Variants in CREB5 observed in about 807,000 individuals in gnomAD.
CREB5 encodes cAMP responsive element binding protein 5, also known as cyclic AMP-responsive element-binding protein 5.
Under a neutral mutation model 57.1 loss-of-function variants are expected in CREB5, and 19 were observed. That is an observed-to-expected ratio of 0.33 (90% CI 0.23 to 0.49). CREB5 has a LOEUF of 0.49. Ranked by LOEUF, CREB5 falls within the 20% of genes least tolerant of loss-of-function variation. The pLI is 0.99. For synonymous variants in CREB5, 238 were observed against 238.3 expected (o/e 1.00, Z 0.01); for missense variants, 579 against 671.6 (o/e 0.86, Z 1.52).
chr7:28,644,006 A>T (rs1798792688), intron 5 of CREB5, among the ~76,000 whole-genome samples: 2 of 151,936 alleles, frequency 1.3e-5, no homozygotes, highest in African/African-American at 4.8e-5. Context: ...TGGGCCCAAG[A>T]GGTCAAGGCT....
chr7:28,484,167 G>T (rs1791462670), intron 1 of CREB5, among the ~76,000 whole-genome samples: 1 of 152,176 alleles, frequency 6.6e-6, no homozygotes, highest in Admixed American at 6.5e-5. Context: ...AGGACTCAGG[G>T]AGAACAGCCT....
At chr7:28,619,098 T>C (rs1797698279) in intron 5 of CREB5, among the ~76,000 whole-genome samples, 2 of 152,238 alleles carry the variant, frequency 1.3e-5, no homozygotes, top group African/African-American at 4.8e-5. Context: ...CTAAACACTT[T>C]AGATTTAACT....
At chr7:28,548,950 G>A (rs1333031286) in intron 4 of CREB5, among the ~76,000 whole-genome samples, 1 of 152,054 alleles carries the variant, frequency 6.6e-6, no homozygotes, top group Non-Finnish European at 1.5e-5. Context: ...TAATAAGCAT[G>A]GAAGCATCTA....
intron 8 of CREB5, among the ~76,000 whole-genome samples, chr7:28,805,955 AACATTTTTAGTC>A (rs1247091483): frequency 5.3e-5 from 8 of 152,184 alleles, no homozygotes; most frequent in Admixed American, 1.3e-4. Context: ...CTATCCAGAG[AACATTTTTAGTC>A]ACATTTTTAG....
intron 1 of CREB5, among the ~76,000 whole-genome samples, chr7:28,420,986 G>A (rs562858830): frequency 6.6e-6 from 1 of 151,920 alleles, no homozygotes; most frequent in East Asian, 1.9e-4. Flanking sequence ...TTTTTAATTT[G>A]CATTCACTTA....
intron 1 of CREB5, among the ~76,000 whole-genome samples, chr7:28,469,938 T>G (rs1790740102): frequency 6.6e-6 from 1 of 152,160 alleles, no homozygotes; most frequent in African/African-American, 2.4e-5. Context: ...TTAAAATTTT[T>G]GTGAGTACAT....
intron 1 of CREB5, among the ~76,000 whole-genome samples, chr7:28,394,069 TCAAAAAAAAAA>T (rs1787286748): frequency 6.4e-5 from 1 of 15,686 alleles, no homozygotes; most frequent in African/African-American, 3.6e-4. Flanking sequence ...AGACTCTGTC[TCAAAAAAAAAA>T]AAAAAAAAAA....
At chr7:28,300,307 T>C (rs1182787457) in intron 1 of CREB5, among the ~76,000 whole-genome samples, 1 of 152,202 alleles carries the variant, frequency 6.6e-6, no homozygotes, top group Non-Finnish European at 1.5e-5. Flanking sequence ...GCTTGTCTAA[T>C]ATTTGTGTCA....
intron 5 of CREB5, among the ~76,000 whole-genome samples, chr7:28,624,676 G>GGA (rs1797934621): frequency 7.7e-6 from 1 of 130,154 alleles, no homozygotes; most frequent in Admixed American, 7.8e-5. Context: ...CAACAGACGT[G>GGA]AAAAAAAAAA....
Position 28,804,269 on chromosome 7 carries a change from T to C in CREB5, c.773T>C (p.Met258Thr), listed in dbSNP as rs1301158305. The C allele has an allele frequency of 6.2e-7, 1 of 1,613,958 alleles. No homozygotes were observed. The highest frequency in any genetic ancestry group is 8.5e-7 in the Non-Finnish European group (1 of 1,180,028). ...GGGAACATGAACACCATGGGACACATGATGGAGATGATGGGCTCCCGGCAG... is the reference window on the plus strand; with the variant it reads ...GGGAACATGAACACCATGGGACACACGATGGAGATGATGGGCTCCCGGCAG... ...SNGNMNTMGHMMEMMGSRQDQ... is the reference protein window; with the variant it reads ...SNGNMNTMGHTMEMMGSRQDQ... Residue 258 changes from methionine to threonine, a missense_variant, in exon 8 of 11, where the codon ATG (methionine) becomes ACG (threonine). Met to Thr is a moderately conservative substitution (Grantham distance 81, BLOSUM62 -1). Transcript: ENST00000357727.
intron 3 of CREB5, among the ~76,000 whole-genome samples, chr7:28,496,855 A>G (rs774950859): frequency 1.3e-5 from 2 of 151,724 alleles, no homozygotes; most frequent in African/African-American, 2.4e-5. Context: ...TTTTAAGTCT[A>G]CAAACAGAGA....
intron 4 of CREB5, among the ~76,000 whole-genome samples, chr7:28,508,761 T>G (rs1792583882): frequency 6.6e-6 from 1 of 152,154 alleles, no homozygotes; most frequent in Non-Finnish European, 1.5e-5. Context: ...AAAATCTCAG[T>G]CAACTCGTTT....
At chr7:28,557,399 A>G (rs2128637351) in intron 4 of CREB5, among the ~76,000 whole-genome samples, 1 of 152,342 alleles carries the variant, frequency 6.6e-6, no homozygotes, top group Non-Finnish European at 1.5e-5. Context: ...TATTTTAAAG[A>G]CATGAGATCC....
intron 7 of CREB5, among the ~76,000 whole-genome samples, chr7:28,777,454 C>T (rs1453163738): frequency 6.6e-6 from 1 of 152,106 alleles, no homozygotes; most frequent in East Asian, 1.9e-4. Flanking sequence ...ATTTAAATGG[C>T]TCTGATATAT....
intron 5 of CREB5, among the ~76,000 whole-genome samples, chr7:28,622,966 C>T (rs41289): frequency 0.64 from 96,608 of 152,040 alleles, 31,900 homozygotes; most frequent in East Asian, 0.91. Flanking sequence ...CACTGCAACC[C>T]CCGTCTCCCG....
At chr7:28,549,700 T>G (rs942459236) in intron 4 of CREB5, among the ~76,000 whole-genome samples, 3 of 148,466 alleles carry the variant, frequency 2.0e-5, no homozygotes, top group African/African-American at 4.9e-5. Flanking sequence ...TGGATGCCTG[T>G]TTTTTTTTTA....
At chr7:28,806,286 A>G (rs548317443) in intron 8 of CREB5, among the ~76,000 whole-genome samples, 46 of 152,318 alleles carry the variant, frequency 3.0e-4, no homozygotes, top group African/African-American at 1.1e-3. Context: ...TTTTAATTGT[A>G]TGCTAAAAAG....
chr7:28,327,791 A>G (rs1192105782), intron 1 of CREB5, among the ~76,000 whole-genome samples: 1 of 152,198 alleles, frequency 6.6e-6, no homozygotes, highest in Non-Finnish European at 1.5e-5. Flanking sequence ...CCCCTGAGAG[A>G]GAAAATGCTA....
At chr7:28,607,735 CTGTGTGTG>C (rs573980917) in intron 5 of CREB5, among the ~76,000 whole-genome samples, 13,041 of 128,980 alleles carry the variant, frequency 0.1, 758 homozygotes, top group Admixed American at 0.16. Context: ...GCCCACAGGG[CTGTGTGTG>C]TGTGTGTGTG....
Sources: allele counts gnomAD v4.1 joint callset (sites outside exome capture counted in the v4.1 genomes callset), GRCh38; gene constraint gnomAD v4.1.1; transcripts MANE v1.5; gene names NCBI Gene and HGNC (gene_info 2026-07-23, HGNC 2026-07-21).